The following NCAM2 variants were observed in gnomAD, a reference collection of about 807,000 sequenced individuals.
The protein encoded by NCAM2 is N-CAM-2.
NCAM2 carries 30 observed loss-of-function variants against 98.1 expected under a neutral mutation model. The ratio of observed to expected loss-of-function variants is 0.31; its 90% CI spans 0.23 to 0.41. NCAM2 has a LOEUF of 0.41. Among genes scored for constraint, NCAM2 ranks in the 10% least tolerant of loss-of-function variants. The pLI is 1.00. For synonymous variants in NCAM2, 368 were observed against 342.4 expected (o/e 1.07, Z -0.83); for missense variants, 867 against 1,005.8 (o/e 0.86, Z 1.87).
rs924642362 is a variant in NCAM2, at chr21:21,540,657, T to C, written c.*2700T>C. ...AAATGTTATTTTTATTGTCTGAGAG[T>C]ACTCTTAAATATTAGTATAAAGTGT... On this transcript the variant is annotated 3_prime_UTR_variant, in exon 18 of 18. Coordinates refer to ENST00000400546, the MANE Select transcript of NCAM2 (RefSeq NM_004540.5). The C allele has an allele frequency of 3.3e-5, 5 of 152,020 alleles. No individual in the cohort carries two copies. Among genetic ancestry groups the C allele is most frequent in the African/African-American group, 1.2e-4 (5 of 41,422 alleles). The allele number at this position is 152,020 out of a possible 1,614,324, so 9.4% of individuals were successfully genotyped here. A position where few individuals can be genotyped will look rare whatever the true frequency, so the allele number is the denominator to read the frequency against.
intron 5 of NCAM2, among the ~76,000 whole-genome samples, chr21:21,300,951 A>G (rs977297402): frequency 1.3e-5 from 2 of 152,034 alleles, no homozygotes; most frequent in Non-Finnish European, 2.9e-5. Context: ...ATTTCAACAT[A>G]TATTTATTAA....
At chr21:21,442,961 G>A (rs1979523341) in intron 12 of NCAM2, among the ~76,000 whole-genome samples, 1 of 152,052 alleles carries the variant, frequency 6.6e-6, no homozygotes, top group Admixed American at 6.6e-5. Flanking sequence ...TACAAACACT[G>A]GATTACTTTA....
chr21:21,431,985 G>T, intron 11 of NCAM2, 123 bp from the exon 12 acceptor site: 1 of 741,680 alleles, frequency 1.3e-6, no homozygotes, highest in Non-Finnish European at 2.0e-6. Flanking sequence ...TCTGTAACTC[G>T]AACATATTAA....
At chr21:21,486,404 T>A (rs1986391170) in intron 15 of NCAM2, among the ~76,000 whole-genome samples, 1 of 151,890 alleles carries the variant, frequency 6.6e-6, no homozygotes, top group Admixed American at 6.6e-5. Context: ...TATAATCCAT[T>A]TATAGGGCAA....
At chr21:21,474,874 T>G (rs964696961) in intron 14 of NCAM2, among the ~76,000 whole-genome samples, 3 of 151,926 alleles carry the variant, frequency 2.0e-5, no homozygotes, top group Non-Finnish European at 2.9e-5. Flanking sequence ...CATTTACAAT[T>G]ATATGTTGTG....
At chr21:21,224,402 G>T (rs541286827) in intron 1 of NCAM2, among the ~76,000 whole-genome samples, 5 of 152,206 alleles carry the variant, frequency 3.3e-5, no homozygotes, top group South Asian at 4.1e-4. Context: ...AAACAAATAC[G>T]TAGATACTAT....
chr21:21,104,321 A>G (rs2146500183), intron 1 of NCAM2, among the ~76,000 whole-genome samples: 1 of 152,270 alleles, frequency 6.6e-6, no homozygotes, highest in East Asian at 1.9e-4. Flanking sequence ...CTGCATGTCA[A>G]ATGCAAAATA....
intron 1 of NCAM2, among the ~76,000 whole-genome samples, chr21:21,190,327 G>A (rs2826728): frequency 0.8 from 121,530 of 152,140 alleles, 51,742 homozygotes; most frequent in Non-Finnish European, 0.96. Flanking sequence ...TCCAAGAATC[G>A]AGAGCTATCT....
chr21:21,209,911 C>T (rs147094908), intron 1 of NCAM2, among the ~76,000 whole-genome samples: 285 of 152,130 alleles, frequency 1.9e-3, no homozygotes, highest in African/African-American at 6.8e-3. Flanking sequence ...TAAGATATTG[C>T]GACTAAAACA....
chr21:21,299,585 CCT>C (rs2073633177), intron 5 of NCAM2, among the ~76,000 whole-genome samples: 1 of 151,272 alleles, frequency 6.6e-6, no homozygotes, highest in Non-Finnish European at 1.5e-5. Flanking sequence ...CTCTTTCTCT[CCT>C]TCCCTCCTTC....
intron 10 of NCAM2, among the ~76,000 whole-genome samples, chr21:21,411,232 A>G (rs957561622): frequency 7.0e-6 from 1 of 142,424 alleles, no homozygotes; most frequent in African/African-American, 2.6e-5. Context: ...ATATATATAT[A>G]TGGAAAAATC....
At chr21:21,124,068 G>C (rs1235068724) in intron 1 of NCAM2, among the ~76,000 whole-genome samples, 1 of 71,184 alleles carries the variant, frequency 1.4e-5, no homozygotes, top group Non-Finnish European at 2.6e-5. Context: ...GGATGGTATC[G>C]ATCTCTTGAC....
chr21:21,131,281 G>GGT (rs1293764163), intron 1 of NCAM2, among the ~76,000 whole-genome samples: 5 of 149,068 alleles, frequency 3.4e-5, no homozygotes, highest in Non-Finnish European at 7.4e-5. Flanking sequence ...AATTTTTCTG[G>GGT]GGGGGGGCTT....
chr21:21,056,868 A>G (rs994617417), intron 1 of NCAM2, among the ~76,000 whole-genome samples: 1 of 152,098 alleles, frequency 6.6e-6, no homozygotes, highest in African/African-American at 2.4e-5. Context: ...AGCGAGAATC[A>G]TGTAACAGTT....
Position 21,250,447 on chromosome 21 carries a change from G to A in NCAM2, c.56-30131G>A, listed in dbSNP as rs543011321. On this transcript the variant is annotated intron_variant, in intron 1 of 17. Transcript: ENST00000400546. The stretch of plus-strand genomic sequence containing the variant: ...CATTTGATGGACAGAGCATTTCGAG[G>A]AATGCATAAAAATATGATTAGGCTA... Among the ~76,000 whole-genome samples, 21 of 152,210 alleles carry A rather than the reference G, an allele frequency of 1.4e-4. No homozygotes were observed. The South Asian group carries it at 1.7e-3, about 12-fold the overall frequency.
At chr21:21,375,545 A>T (rs2076013516) in intron 9 of NCAM2, among the ~76,000 whole-genome samples, 1 of 151,740 alleles carries the variant, frequency 6.6e-6, no homozygotes, top group Admixed American at 6.6e-5. Flanking sequence ...AACTTACTTA[A>T]CCTTTTTCCC....
At chr21:21,466,964 A>T (rs1983763031) in intron 13 of NCAM2, among the ~76,000 whole-genome samples, 1 of 151,984 alleles carries the variant, frequency 6.6e-6, no homozygotes, top group South Asian at 2.1e-4. Context: ...TGTTCCCGGG[A>T]AATTGTCCTT....
chr21:21,134,315 G>A (rs1042173572), intron 1 of NCAM2, among the ~76,000 whole-genome samples: 4 of 151,802 alleles, frequency 2.6e-5, no homozygotes, highest in Admixed American at 6.6e-5. Context: ...CGTGATCTGC[G>A]CACCTCGGCC....
chr21:21,044,185 A>C lies in NCAM2; in HGVS notation c.55+45567A>C, dbSNP rs551245761. ...TATTTCATAGCTTTGAAGATCTTTAAAAGTATCTTATTGCAGGTTTGTGTT... is the reference window on the plus strand; with the variant it reads ...TATTTCATAGCTTTGAAGATCTTTACAAGTATCTTATTGCAGGTTTGTGTT... On this transcript the variant is annotated intron_variant, in intron 1 of 17. Transcript: ENST00000400546. Among the ~76,000 whole-genome samples the C allele has an allele frequency of 5.9e-5, 9 of 152,350 alleles. No individual in the cohort carries two copies. In the South Asian group the frequency reaches 1.4e-3, roughly 25 times the overall value.
Sources: gnomAD v4.1 joint callset for allele counts (sites outside exome capture counted in the v4.1 genomes callset) on GRCh38, gnomAD v4.1.1 for gene constraint, MANE v1.5 for transcripts, NCBI Gene and HGNC (gene_info 2026-07-23, HGNC 2026-07-21) for gene names.